C17orf107: variants seen among roughly 807,000 people sequenced by gnomAD.
C17orf107 encodes chromosome 17 open reading frame 107.
A neutral mutation model predicts 8.9 loss-of-function variants in C17orf107; 9 were observed. The observed-to-expected ratio is 1.02, with a 90% CI of 0.61 to 1.77. C17orf107 has a LOEUF of 1.77. C17orf107 is among the 40% of genes most tolerant of loss of function. The probability of loss-of-function intolerance (pLI) is 0.00; values close to 1 mark genes in which losing one functional copy is unlikely to be tolerated. For missense variants in C17orf107, 281 were observed against 249.0 expected (o/e 1.13, Z -0.86); for synonymous variants, 139 against 120.3 (o/e 1.16, Z -1.02).
chr17:4,900,919 GC>G lies in C17orf107; in HGVS notation c.*388del, dbSNP rs1969961898. 1.9e-6 allele frequency: 3 copies of G among 1,613,986 alleles called. No individual in the cohort carries two copies. Among genetic ancestry groups the G allele is most frequent in the African/African-American group, 1.3e-5 (1 of 74,942 alleles). On this transcript the variant is annotated 3_prime_UTR_variant, in exon 3 of 3. Transcript: ENST00000381365. ...TTTCTGGCCGCCGGCTGGAGGGAGA[GC>G]CAGTGAGAGCGGGCCCCGCCTCCCG...
downstream of C17orf107, among the ~76,000 whole-genome samples, chr17:4,904,816 T>C (rs745609891): frequency 1.3e-5 from 2 of 152,168 alleles, no homozygotes; most frequent in Non-Finnish European, 2.9e-5. Context: ...CGAGGACACA[T>C]CAAATAACAG....
In C17orf107 at chr17:4,900,800, G is replaced by A. The variant is rs1224502887; in HGVS notation, c.*267G>A. The A allele has an allele frequency of 6.2e-7, 1 of 1,613,712 alleles. No individual in the cohort carries two copies. Among genetic ancestry groups the A allele is most frequent in the Admixed American group, 1.7e-5 (1 of 59,974 alleles). On this transcript the variant is annotated 3_prime_UTR_variant, in exon 3 of 3. Coordinates refer to ENST00000381365, the MANE Select transcript of C17orf107 (RefSeq NM_001145536.2). Reference sequence around the variant, plus strand: ...CGGGGGCTCCGGCTTCACCTGCCCAGGAGCGGCACGCTCAGAGAAGTCTCT... The same window carrying A: ...CGGGGGCTCCGGCTTCACCTGCCCAAGAGCGGCACGCTCAGAGAAGTCTCT...
Position 4,902,279 on chromosome 17 carries a change from A to G in C17orf107, c.*1746A>G. On this transcript the variant is annotated 3_prime_UTR_variant, in exon 3 of 3. Transcript: ENST00000381365. This position sits in a 1 kb window ranked among gnomAD's most constrained non-coding sequence, Gnocchi z 4.0. ...CTGAAGGGACTCGCAGGGTTTCTAT[A>G]CCCCCAAAGTCGTCCTTGCTGTAGT... 1 of 1,613,626 alleles carries G rather than the reference A, an allele frequency of 6.2e-7. No individual in the cohort carries two copies. The highest frequency in any genetic ancestry group is 1.1e-5 in the South Asian group (1 of 91,064).
rs904418775 is a variant in C17orf107, at chr17:4,900,511, G to C, written c.551G>C (p.Ser184Thr). Reference protein sequence around the residue: ...LGLGIPGEPVSSGHGVS With the variant: ...LGLGIPGEPVTSGHGVS The stretch of plus-strand genomic sequence containing the variant: ...CTCGGAATCCCCGGAGAACCGGTGA[G>C]CTCAGGACACGGGGTGAGTTAGGGG... Residue 184 changes from serine (S) to threonine (T), a missense_variant, in exon 3 of 3, where the codon AGC (serine) becomes ACC (threonine). By Grantham distance (58) the Ser-to-Thr change is moderately conservative (BLOSUM62 1). Transcript: ENST00000381365. 1.3e-6 allele frequency: 2 copies of C among 1,550,898 alleles called. No homozygotes were observed. The highest frequency in any genetic ancestry group is 8.7e-7 in the Non-Finnish European group (1 of 1,146,980).
chr17:4,902,991 A>C, downstream of C17orf107: 2 of 1,613,880 alleles, frequency 1.2e-6, no homozygotes, highest in Non-Finnish European at 1.7e-6. This position sits in a 1 kb window ranked among gnomAD's most constrained non-coding sequence, Gnocchi z 4.0. Flanking sequence ...GTGTGTGTCC[A>C]ATTGCCCCTC....
chr17:4,901,262 G>A lies in C17orf107; in HGVS notation c.*729G>A. The A allele has an allele frequency of 6.5e-7, 1 of 1,537,130 alleles. No individual in the cohort carries two copies. Among genetic ancestry groups the A allele is most frequent in the African/African-American group, 1.4e-5 (1 of 73,658 alleles). ...GCCGAGCTGACAGCGGGCTGAAGAG[G>A]AGGCTGCGGCTGTCTGCACCAGGGT... On this transcript the variant is annotated 3_prime_UTR_variant, in exon 3 of 3. Coordinates refer to ENST00000381365, the MANE Select transcript of C17orf107 (RefSeq NM_001145536.2).
chr17:4,900,804 C>A lies in C17orf107; in HGVS notation c.*271C>A, dbSNP rs374156332. 2 of 1,613,574 alleles carry A rather than the reference C, an allele frequency of 1.2e-6. No individual in the cohort carries two copies. Among genetic ancestry groups the A allele is most frequent in the African/African-American group, 2.7e-5 (2 of 74,928 alleles). On this transcript the variant is annotated 3_prime_UTR_variant, in exon 3 of 3. Coordinates refer to ENST00000381365, the MANE Select transcript of C17orf107 (RefSeq NM_001145536.2). ...GGCTCCGGCTTCACCTGCCCAGGAG[C>A]GGCACGCTCAGAGAAGTCTCTGGGA...
chr17:4,906,260 G>C (rs569980748), downstream of C17orf107, among the ~76,000 whole-genome samples: 1 of 152,096 alleles, frequency 6.6e-6, no homozygotes, highest in Non-Finnish European at 1.5e-5. Context: ...TAGTGGGTGT[G>C]GCAGGCCCTG....
chr17:4,904,119 A>G (rs1177196263), downstream of C17orf107, among the ~76,000 whole-genome samples: 1 of 152,070 alleles, frequency 6.6e-6, no homozygotes, highest in Non-Finnish European at 1.5e-5. Flanking sequence ...GGCCTCCCAA[A>G]GTGCTGGGAT....
Position 4,902,410 on chromosome 17 carries a change from C to CG in C17orf107, c.*1877_*1878insG, listed in dbSNP as rs1970022325. The CG allele has an allele frequency of 6.2e-7, 1 of 1,613,952 alleles. No individual in the cohort carries two copies. Among genetic ancestry groups the CG allele is most frequent in the African/African-American group, 1.3e-5 (1 of 74,918 alleles). On this transcript the variant is annotated 3_prime_UTR_variant, in exon 3 of 3. Transcript: ENST00000381365. This position sits in a 1 kb window ranked among gnomAD's most constrained non-coding sequence, Gnocchi z 4.0. ...GAGGGGTTTGGGGGAAAAGGGGTGC[C>CG]CTGGACAAGACCTCACACCATTCCC...
At position 4,902,199 on chromosome 17, in the gene C17orf107, G is replaced by A. The variant is rs201821934; in HGVS notation, c.*1666G>A. ...CAGGCCGGCTTCCCTCCAGCCTGGC[G>A]TCTGGCCCGGTTCTCACTTGTTTTC... On this transcript the variant is annotated 3_prime_UTR_variant, in exon 3 of 3. Coordinates refer to ENST00000381365, the MANE Select transcript of C17orf107 (RefSeq NM_001145536.2). The surrounding 1 kb of genome is among the most constrained non-coding windows in gnomAD (Gnocchi z 4.0). 3,679 of 1,613,980 alleles carry A rather than the reference G, an allele frequency of 2.3e-3. 14 individuals are homozygous for A. The highest frequency in any genetic ancestry group is 2.7e-3 in the Non-Finnish European group (3,182 of 1,179,880).
Position 4,901,888 on chromosome 17 carries a change from C to CCA in C17orf107, c.*1356_*1357insAC. 2.5e-6 allele frequency: 4 copies of CCA among 1,597,948 alleles called. No homozygotes were observed. Among genetic ancestry groups the CCA allele is most frequent in the Non-Finnish European group, 3.4e-6 (4 of 1,167,410 alleles). ...CGGTTGGCCCCGCCCCATAAGGCCC[C>CCA]CCCCCAACAATAATCGTCCGGGCCT... On this transcript the variant is annotated 3_prime_UTR_variant, in exon 3 of 3. Transcript: ENST00000381365.
Position 4,899,717 on chromosome 17 carries a change from A to C in C17orf107, c.-46A>C, listed in dbSNP as rs1969896036. On this transcript the variant is annotated 5_prime_UTR_variant, in exon 1 of 3. Transcript: ENST00000381365. ...CCAGCTGCGCCCCCTACACGACGAC[A>C]GACGCGTCCCCCAGCCCTTCTCCTG... The C allele has an allele frequency of 6.6e-7, 1 of 1,524,834 alleles. No homozygotes were observed. Among genetic ancestry groups the C allele is most frequent in the Non-Finnish European group, 8.9e-7 (1 of 1,123,212 alleles). The allele number at this position is 1,524,834 out of a possible 1,614,324, so 94.5% of individuals were successfully genotyped here. A position where few individuals can be genotyped will look rare whatever the true frequency, so the allele number is the denominator to read the frequency against.
Position 4,902,547 on chromosome 17 carries a change from G to A in C17orf107, c.*2014G>A. The A allele has an allele frequency of 3.7e-6, 6 of 1,614,096 alleles. No individual in the cohort carries two copies. The highest frequency in any genetic ancestry group is 5.1e-6 in the Non-Finnish European group (6 of 1,179,964). ...AGTGAGATTTCAGGGCCAGAAGTGA[G>A]CTTTAGGACAGAGCTCAGCGGTTGG... is the stretch of plus-strand genomic sequence containing the variant. On this transcript the variant is annotated 3_prime_UTR_variant, in exon 3 of 3. Coordinates refer to ENST00000381365, the MANE Select transcript of C17orf107 (RefSeq NM_001145536.2). This position sits in a 1 kb window ranked among gnomAD's most constrained non-coding sequence, Gnocchi z 4.0.
At chr17:4,903,580 A>T (rs1970047270), downstream of C17orf107, among the ~76,000 whole-genome samples, 1 of 152,176 alleles carries the variant, frequency 6.6e-6, no homozygotes, top group South Asian at 2.1e-4. Flanking sequence ...AGACCTGATA[A>T]AGAGACAGGT....
rs1244688303 is a variant in C17orf107 at position 4,900,337 on chromosome 17, C to A, written c.377C>A (p.Ala126Asp). Residue 126 changes from alanine to aspartate, a missense_variant, in exon 3 of 3, where the codon GCC becomes GAC. Transcript: ENST00000381365. ...RDPGAALSRV[A>D]QAAGQGVRQA... ...CCGGGTGCAGCGCTGAGCCGGGTAG[C>A]CCAAGCCGCAGGGCAGGGGGTTCGG... 1 of 1,546,348 alleles carries A rather than the reference C, an allele frequency of 6.5e-7. No homozygotes were observed. Among genetic ancestry groups the A allele is most frequent in the Non-Finnish European group, 8.7e-7 (1 of 1,146,222 alleles).
chr17:4,905,107 C>T (rs908482101), downstream of C17orf107, among the ~76,000 whole-genome samples: 4 of 152,190 alleles, frequency 2.6e-5, no homozygotes, highest in South Asian at 2.1e-4. Context: ...CCGAGTGCTA[C>T]GGTTATTGAG....
rs1970026760 is a variant in C17orf107, at chr17:4,902,533, A to G, written c.*2000A>G. The G allele has an allele frequency of 6.2e-7, 1 of 1,614,008 alleles. No individual in the cohort carries two copies. The highest frequency in any genetic ancestry group is 1.7e-5 in the Admixed American group (1 of 60,004). ...ATGGGGATGATTGAAGTGAGATTTC[A>G]GGGCCAGAAGTGAGCTTTAGGACAG... On this transcript the variant is annotated 3_prime_UTR_variant, in exon 3 of 3. Coordinates refer to ENST00000381365, the MANE Select transcript of C17orf107 (RefSeq NM_001145536.2). This position sits in a 1 kb window ranked among gnomAD's most constrained non-coding sequence, Gnocchi z 4.0.
Position 4,900,513 on chromosome 17 carries a change from T to C in C17orf107, c.553T>C (p.Ser185Pro), listed in dbSNP as rs1363752586. The change falls in exon 3 of 3, where the codon TCA becomes CCA. Residue 185 changes from serine (S) to proline (P), a missense_variant. Physicochemically the swap from Ser to Pro is moderately conservative, Grantham distance 74. Coordinates refer to ENST00000381365, the MANE Select transcript of C17orf107 (RefSeq NM_001145536.2). Reference protein sequence around the residue: ...GLGIPGEPVSSGHGVS With the variant: ...GLGIPGEPVSPGHGVS ...CGGAATCCCCGGAGAACCGGTGAGC[T>C]CAGGACACGGGGTGAGTTAGGGGCC... 6.4e-7 allele frequency: 1 copy of C among 1,550,650 alleles called. No homozygotes were observed. The highest frequency in any genetic ancestry group is 1.2e-5 in the South Asian group (1 of 84,052).
Sources: allele counts gnomAD v4.1 joint callset (sites outside exome capture counted in the v4.1 genomes callset), GRCh38; gene constraint gnomAD v4.1.1; non-coding constraint Gnocchi (gnomAD v3.1); transcripts MANE v1.5; gene names NCBI Gene and HGNC (gene_info 2026-07-23, HGNC 2026-07-21).